Variants in COX7B2 observed in about 807,000 individuals in gnomAD.
COX7B2 encodes cytochrome c oxidase subunit 7B2.
For synonymous variants in COX7B2, 37 were observed against 32.1 expected, an observed-to-expected ratio of 1.15 and a Z score of -0.51; for missense variants, 109 against 95.9, an observed-to-expected ratio of 1.14 and a Z score of -0.57.
At chr4:46,844,475 A>G (rs1048385439) in intron 2 of COX7B2, among the ~76,000 whole-genome samples, 8 of 151,992 alleles carry the variant, frequency 5.3e-5, no homozygotes, top group Admixed American at 4.6e-4. Context: ...TAAAACGTCT[A>G]AAAGTCACGG....
chr4:46,830,324 CAA>C (rs201868075), intron 2 of COX7B2, among the ~76,000 whole-genome samples: 845 of 82,110 alleles, frequency 0.01, 5 homozygotes, highest in African/African-American at 0.027. Context: ...ACTCTGTCTC[CAA>C]AAAAAAAAAA....
chr4:46,791,090 C>T (rs193142531), intron 2 of COX7B2, among the ~76,000 whole-genome samples: 6 of 152,246 alleles, frequency 3.9e-5, no homozygotes, highest in Admixed American at 2.0e-4. Flanking sequence ...AGCTCCGCCT[C>T]TGGGGTTCAC....
intron 2 of COX7B2, among the ~76,000 whole-genome samples, chr4:46,808,751 G>A (rs1719136781): frequency 1.3e-5 from 2 of 151,910 alleles, no homozygotes; most frequent in East Asian, 1.9e-4. Context: ...AAGAAAGGAC[G>A]TTGGAGTACA....
intron 2 of COX7B2, among the ~76,000 whole-genome samples, chr4:46,765,962 C>T (rs113283452): frequency 4.6e-5 from 7 of 152,192 alleles, no homozygotes; most frequent in African/African-American, 7.2e-5. Flanking sequence ...GGATGGTCTC[C>T]GTGGATCCAG....
chr4:46,826,952 A>G (rs1714739054), intron 2 of COX7B2, among the ~76,000 whole-genome samples: 2 of 152,156 alleles, frequency 1.3e-5, no homozygotes, highest in Admixed American at 1.3e-4. Flanking sequence ...AAGTACAATA[A>G]CTGAAATGTA....
chr4:46,907,380 T>A (rs1047567596), intron 1 of COX7B2, among the ~76,000 whole-genome samples: 1 of 152,174 alleles, frequency 6.6e-6, no homozygotes, highest in Admixed American at 6.5e-5. Context: ...CTATTAACAA[T>A]GAAGCATAAA....
chr4:46,761,684 C>A (rs1716153868), intron 2 of COX7B2, among the ~76,000 whole-genome samples: 1 of 152,112 alleles, frequency 6.6e-6, no homozygotes, highest in African/African-American at 2.4e-5. Context: ...CATTGCTTTG[C>A]TCCAGGGAAA....
chr4:46,898,204 TC>T (rs1328546173), intron 1 of COX7B2, among the ~76,000 whole-genome samples: 1 of 152,186 alleles, frequency 6.6e-6, no homozygotes, highest in Non-Finnish European at 1.5e-5. Flanking sequence ...CACCTTCCCT[TC>T]CAAATTTACA....
intron 2 of COX7B2, among the ~76,000 whole-genome samples, chr4:46,774,073 G>A (rs2109527665): frequency 6.6e-6 from 1 of 152,234 alleles, no homozygotes; most frequent in East Asian, 1.9e-4. Context: ...AACAGAATTA[G>A]TTAAGTTATG....
rs146921512 is a variant in COX7B2 at position 46,887,443 on chromosome 4, G to A, written c.-105+21717C>T. The stretch of plus-strand genomic sequence containing the variant: ...AGTAAATATCCTGGCCGGGCACAGT[G>A]GCTCACACCTGTAATCCCAGCACTT... On this transcript the variant is annotated intron_variant, in intron 1 of 2. Coordinates refer to ENST00000355591, the MANE Select transcript of COX7B2 (RefSeq NM_130902.3). Among the ~76,000 whole-genome samples, 591 of 152,210 alleles carry A rather than the reference G, an allele frequency of 3.9e-3. 6 individuals are homozygous for A. The highest frequency in any genetic ancestry group is 0.014 in the African/African-American group (576 of 41,536).
intron 1 of COX7B2, among the ~76,000 whole-genome samples, chr4:46,875,170 T>C (rs1415881828): frequency 1.3e-5 from 2 of 152,214 alleles, no homozygotes; most frequent in Admixed American, 1.3e-4. Flanking sequence ...AATTTTTCTG[T>C]TTTGCTTTTT....
At chr4:46,903,063 T>C (rs930146241) in intron 1 of COX7B2, among the ~76,000 whole-genome samples, 3 of 152,138 alleles carry the variant, frequency 2.0e-5, no homozygotes, top group Admixed American at 6.5e-5. Flanking sequence ...TCTAACATTA[T>C]AGAGATAGGC....
At chr4:46,786,584 G>A (rs2109570345) in intron 2 of COX7B2, among the ~76,000 whole-genome samples, 1 of 152,216 alleles carries the variant, frequency 6.6e-6, no homozygotes, top group Non-Finnish European at 1.5e-5. Flanking sequence ...ATACATTTTT[G>A]AGAGGTTCAC....
intron 1 of COX7B2, among the ~76,000 whole-genome samples, chr4:46,901,287 T>C (rs1720055555): frequency 6.6e-6 from 1 of 152,212 alleles, no homozygotes; most frequent in South Asian, 2.1e-4. Flanking sequence ...ACCGATGGAC[T>C]TGATTCCCAC....
intron 1 of COX7B2, among the ~76,000 whole-genome samples, chr4:46,869,344 T>C (rs1166896334): frequency 6.6e-6 from 1 of 152,168 alleles, no homozygotes; most frequent in East Asian, 1.9e-4. Flanking sequence ...CTGTGTCTTT[T>C]AAGTGGTGCA....
intron 2 of COX7B2, among the ~76,000 whole-genome samples, chr4:46,836,814 G>A (rs1486854144): frequency 6.6e-6 from 1 of 152,044 alleles, no homozygotes; most frequent in East Asian, 1.9e-4. Flanking sequence ...CTGTTACAAT[G>A]TCACAACAGC....
intron 2 of COX7B2, among the ~76,000 whole-genome samples, chr4:46,793,442 T>C (rs1192061658): frequency 6.6e-6 from 1 of 152,124 alleles, no homozygotes; most frequent in African/African-American, 2.4e-5. Flanking sequence ...TTTATTAAGG[T>C]GAACTTTAGA....
chr4:46,909,125 T>TATA (rs1463994399), intron 1 of COX7B2, 35 bp downstream of exon 1: 1 of 152,154 alleles, frequency 6.6e-6, no homozygotes, highest in East Asian at 1.9e-4. Flanking sequence ...ACTGTCAGCT[T>TATA]ACTGACAACG....
intron 2 of COX7B2, among the ~76,000 whole-genome samples, chr4:46,750,785 A>G (rs969195103): frequency 6.6e-6 from 1 of 152,180 alleles, no homozygotes; most frequent in African/African-American, 2.4e-5. Flanking sequence ...GCAGACTTCC[A>G]GATGGCCAGC....
Sources: gnomAD v4.1 joint callset for allele counts (sites outside exome capture counted in the v4.1 genomes callset) on GRCh38, gnomAD v4.1.1 for gene constraint, MANE v1.5 for transcripts, NCBI Gene and HGNC (gene_info 2026-07-23, HGNC 2026-07-21) for gene names.